Variants in RBM11 observed in about 807,000 individuals in gnomAD.
The protein encoded by RBM11 is RNA binding motif protein 11.
In RBM11, 18 loss-of-function variants were observed where a neutral mutation model predicts 21.4. The observed-to-expected ratio is 0.84, with a 90% confidence interval of 0.58 to 1.25. The LOEUF is 1.25. RBM11 is among the 50% of genes most tolerant of loss of function. RBM11 has a pLI of 0.00. For synonymous variants in RBM11, 120 were observed against 116.3 expected, an observed-to-expected ratio of 1.03 and a Z score of -0.20; for missense variants, 294 against 331.9, an observed-to-expected ratio of 0.89 and a Z score of 0.89.
At chr21:14,226,807 A>G in intron 4 of RBM11, 73 bp from the exon 5 acceptor site, 1 of 1,532,002 alleles carries the variant, frequency 6.5e-7, no homozygotes, top group Non-Finnish European at 8.8e-7. Context: ...ATTGTATAAT[A>G]CATGTAAACT....
At position 14,227,573 on chromosome 21, in the gene RBM11, C is replaced by G; in HGVS notation, c.*280C>G. On this transcript the variant is annotated 3_prime_UTR_variant, in exon 5 of 5. Transcript: ENST00000400577. ...ATTAGTACCAATGATGAAATTTCAC[C>G]AAACTATTAATCAAAAGTCACTTAT... The G allele has an allele frequency of 1.1e-5, 4 of 371,086 alleles. No homozygotes were observed. Among genetic ancestry groups the G allele is most frequent in the Non-Finnish European group, 1.9e-5 (4 of 206,856 alleles). The allele number at this position is 371,086 out of a possible 1,614,324, so 23.0% of individuals were successfully genotyped here.
At chr21:14,226,769 C>A (rs1979124039) in intron 4 of RBM11, 111 bp from the exon 5 acceptor site, 6 of 1,431,902 alleles carry the variant, frequency 4.2e-6, no homozygotes, top group Admixed American at 4.8e-5. Flanking sequence ...TTTCTTATAC[C>A]AAAACACAGT....
chr21:14,216,538 A>G (rs1021369539), intron 1 of RBM11, among the ~76,000 whole-genome samples: 3 of 152,116 alleles, frequency 2.0e-5, no homozygotes, highest in African/African-American at 7.2e-5. Context: ...GTTTCTGATT[A>G]AGGGCTTCCC....
Position 14,227,199 on chromosome 21 carries a change from A to C in RBM11, c.752A>C (p.Lys251Thr). The C allele has an allele frequency of 6.2e-7, 1 of 1,614,084 alleles. No homozygotes were observed. The highest frequency in any genetic ancestry group is 8.5e-7 in the Non-Finnish European group (1 of 1,179,908). The change falls in exon 5 of 5, where the codon AAG (lysine) becomes ACG (threonine). Residue 251 changes from lysine (K) to threonine (T), a missense_variant. By Grantham distance (78) the Lys-to-Thr change is moderately conservative. Coordinates refer to ENST00000400577, the MANE Select transcript of RBM11 (RefSeq NM_144770.5). ...CAGATGAATAAACGAAAGAGACAAA[A>C]GCAAACAAGTGATAGTGATAGTAGC... is the stretch of plus-strand genomic sequence containing the variant. ...LYQMNKRKRQ[K>T]QTSDSDSSTD...
At chr21:14,226,597 G>C (rs1405448201) in intron 4 of RBM11, among the ~76,000 whole-genome samples, 1 of 145,914 alleles carries the variant, frequency 6.9e-6, no homozygotes, top group Non-Finnish European at 1.5e-5. Context: ...TCCAGCATGG[G>C]CAACAAAGTG....
chr21:14,224,327 T>C, intron 3 of RBM11, 111 bp from the exon 4 acceptor site: 2 of 1,432,404 alleles, frequency 1.4e-6, no homozygotes, highest in East Asian at 5.0e-5. Flanking sequence ...GATTCCTCTA[T>C]GCAGACAACT....
Position 14,219,699 on chromosome 21 carries a change from G to A in RBM11, c.233G>A (p.Arg78Lys), listed in dbSNP as rs781596764. The A allele has an allele frequency of 6.2e-7, 1 of 1,603,294 alleles. No individual in the cohort carries two copies. Among genetic ancestry groups the A allele is most frequent in the Admixed American group, 1.7e-5 (1 of 59,256 alleles). The stretch of plus-strand genomic sequence containing the variant: ...CTGAATGGAATTCGTTTATATGGAA[G>A]ACCAATTAACGTGCAGTATCGATTT... ...ALLNGIRLYG[R>K]PINVQYRFGS... The change falls in exon 2 of 5, where the codon AGA becomes AAA. Residue 78 changes from arginine (R) to lysine (K), a missense_variant. By Grantham distance (26) the Arg-to-Lys change is conservative (BLOSUM62 2). Around this residue, in one of 2 missense-constraint regions of RBM11, gnomAD observed 181 missense variants for 164.6 expected, o/e 1.10. Transcript: ENST00000400577.
chr21:14,221,098 G>C lies in RBM11; in HGVS notation c.261G>C (p.Gly87=). 3.8e-6 allele frequency: 6 copies of C among 1,571,646 alleles called. No individual in the cohort carries two copies. The highest frequency in any genetic ancestry group is 5.2e-6 in the Non-Finnish European group (6 of 1,157,286). ...CCTGTTACTCTGTTTCTTTCAAAGG[G>C]AGTTCTCGCTCTTCTGAACCAGCTA... The part of the protein sequence containing the change: ...GRPINVQYRF[G]SSRSSEPANQ... The change falls in exon 3 of 5, where the codon GGG becomes GGC. Residue 87 remains glycine, a splice_region_variant and synonymous_variant. Transcript: ENST00000400577.
chr21:14,218,809 G>T (rs1439989177), intron 1 of RBM11, among the ~76,000 whole-genome samples: 1 of 152,084 alleles, frequency 6.6e-6, no homozygotes, highest in Non-Finnish European at 1.5e-5. Context: ...TTCGTTAGTT[G>T]TAATTAACAA....
At chr21:14,220,955 AG>A in intron 2 of RBM11, 141 bp from the exon 3 acceptor site, 1 of 669,974 alleles carries the variant, frequency 1.5e-6, no homozygotes, top group Non-Finnish European at 2.4e-6. Flanking sequence ...TTGAGAGGTC[AG>A]ATATGCATAT....
In RBM11 at chr21:14,216,251, G is replaced by A; in HGVS notation, c.65G>A (p.Arg22Gln). ...VFVGNLEARV[R>Q]EEILYELFLQ... ...GTTGGGAATTTAGAGGCCCGAGTTCGGGAAGAGATTCTGTACGAGCTGTTC... is the reference window on the plus strand; with the variant it reads ...GTTGGGAATTTAGAGGCCCGAGTTCAGGAAGAGATTCTGTACGAGCTGTTC... The change falls in exon 1 of 5, where the codon CGG becomes CAG. Residue 22 changes from arginine to glutamine, a missense_variant. By Grantham distance (43) the Arg-to-Gln change is conservative. This residue lies in a region of RBM11 where 181 missense variants were observed against 164.6 expected (regional missense o/e 1.10). Transcript: ENST00000400577. The A allele has an allele frequency of 6.2e-7, 1 of 1,613,790 alleles. No individual in the cohort carries two copies. The highest frequency in any genetic ancestry group is 8.5e-7 in the Non-Finnish European group (1 of 1,179,802).
rs141942958 is a variant in RBM11, at chr21:14,219,647, G to C, written c.181G>C (p.Glu61Gln). 10 of 1,608,474 alleles carry C rather than the reference G, an allele frequency of 6.2e-6. No individual in the cohort carries two copies. The highest frequency in any genetic ancestry group is 7.7e-6 in the Non-Finnish European group (9 of 1,176,138). Residue 61 changes from glutamate (E) to glutamine (Q), a missense_variant, in exon 2 of 5, where the codon GAA becomes CAA. Glu to Gln is a conservative substitution (Grantham distance 29). This residue lies in a region of RBM11 where 181 missense variants were observed against 164.6 expected (regional missense o/e 1.10). Transcript: ENST00000400577. The stretch of plus-strand genomic sequence containing the variant: ...TGGATTTGTCTGCTTTAAACACCCA[G>C]AATCGGTGTCTTATGCCATAGCTTT... ...SFGFVCFKHP[E>Q]SVSYAIALLN...
chr21:14,222,597 C>T (rs1243044279), intron 3 of RBM11, among the ~76,000 whole-genome samples: 1 of 152,164 alleles, frequency 6.6e-6, no homozygotes, highest in Non-Finnish European at 1.5e-5. Flanking sequence ...CCCAACATTT[C>T]TACATCAGTG....
chr21:14,227,536 T>A lies in RBM11; in HGVS notation c.*243T>A. On this transcript the variant is annotated 3_prime_UTR_variant, in exon 5 of 5. Transcript: ENST00000400577. ...TTTGACCCATTGGCAACAAATAGAC[T>A]ATTGTCATTTTATTAGTACCAATGA... The A allele has an allele frequency of 2.2e-6, 1 of 460,396 alleles. No individual in the cohort carries two copies. The highest frequency in any genetic ancestry group is 3.8e-6 in the Non-Finnish European group (1 of 262,740). 28.5% of individuals were successfully genotyped at this position (460,396 alleles called of 1,614,324 possible).
At chr21:14,217,812 C>T (rs1978341083) in intron 1 of RBM11, among the ~76,000 whole-genome samples, 2 of 152,028 alleles carry the variant, frequency 1.3e-5, no homozygotes, top group African/African-American at 4.8e-5. Flanking sequence ...CTTTGAGCCT[C>T]CAAAAAAAGG....
In RBM11 at chr21:14,222,291, G is replaced by A. The variant is rs148764116; in HGVS notation, c.332+1122G>A. Among the ~76,000 whole-genome samples the A allele has an allele frequency of 7.0e-4, 107 of 151,914 alleles. 2 individuals are homozygous for A. The highest frequency in any genetic ancestry group is 2.4e-3 in the African/African-American group (99 of 41,392). On this transcript the variant is annotated intron_variant, in intron 3 of 4. Transcript: ENST00000400577. ...ATTCAGAGTAGACATATAGATCTAT[G>A]TATCTCTATATAGATACTTATATAT...
chr21:14,222,248 G>A (rs1280230450), intron 3 of RBM11, among the ~76,000 whole-genome samples: 1 of 151,844 alleles, frequency 6.6e-6, no homozygotes, highest in Non-Finnish European at 1.5e-5. Flanking sequence ...ATATAGAGGA[G>A]AGGAATAGAT....
Position 14,227,437 on chromosome 21 carries a change from C to A in RBM11, c.*144C>A. On this transcript the variant is annotated 3_prime_UTR_variant, in exon 5 of 5. Coordinates refer to ENST00000400577, the MANE Select transcript of RBM11 (RefSeq NM_144770.5). The stretch of plus-strand genomic sequence containing the variant: ...TAAGACTTATCTCTGGTTTGCTGTT[C>A]AATTTTTGCCTTGAACGACAAAAGC... The A allele has an allele frequency of 3.3e-6, 3 of 906,908 alleles. No individual in the cohort carries two copies. The highest frequency in any genetic ancestry group is 3.2e-6 in the Non-Finnish European group (2 of 633,728). The allele number at this position is 906,908 out of a possible 1,614,324, so 56.2% of individuals were successfully genotyped here.
rs933842570 is a variant in RBM11 at position 14,227,516 on chromosome 21, C to T, written c.*223C>T. The T allele has an allele frequency of 9.6e-6, 5 of 521,126 alleles. No individual in the cohort carries two copies. Among genetic ancestry groups the T allele is most frequent in the East Asian group, 3.3e-5 (1 of 30,340 alleles). The allele number at this position is 521,126 out of a possible 1,614,324, so 32.3% of individuals were successfully genotyped here. ...TTTGTATTTGTCATGATATTTTTGA[C>T]CCATTGGCAACAAATAGACTATTGT... On this transcript the variant is annotated 3_prime_UTR_variant, in exon 5 of 5. Coordinates refer to ENST00000400577, the MANE Select transcript of RBM11 (RefSeq NM_144770.5).
Sources: gnomAD v4.1 joint callset for allele counts (sites outside exome capture counted in the v4.1 genomes callset) on GRCh38, gnomAD v4.1.1 for gene constraint, gnomAD v4.1.1 regional missense constraint, MANE v1.5 for transcripts, NCBI Gene and HGNC (gene_info 2026-07-23, HGNC 2026-07-21) for gene names.